Variants in POU2F2 observed in about 807,000 individuals in gnomAD.
The protein encoded by POU2F2 is POU class 2 homeobox 2.
POU2F2 carries 14 observed loss-of-function variants against 63.5 expected under a neutral mutation model. The ratio of observed to expected loss-of-function variants is 0.22; its 90% CI spans 0.15 to 0.34. The LOEUF (loss-of-function observed/expected upper bound fraction) is 0.34, where lower values mean the gene tolerates loss of function less well. Among genes scored for constraint, POU2F2 ranks in the 10% least tolerant of loss-of-function variants. The probability of loss-of-function intolerance (pLI) is 1.00; values close to 1 mark genes in which losing one functional copy is unlikely to be tolerated. For missense variants in POU2F2, 607 were observed against 815.2 expected (o/e 0.74, Z 3.11); for synonymous variants, 306 against 348.6 (o/e 0.88, Z 1.36).
At chr19:42,175,013 A>G (rs1312990971) in intron 1 of POU2F2, among the ~76,000 whole-genome samples, 1 of 151,670 alleles carries the variant, frequency 6.6e-6, no homozygotes, top group Non-Finnish European at 1.5e-5. Context: ...AGCTCTAAGG[A>G]CTCTCTCAGA....
At chr19:42,116,555 C>T (rs1052311491) in intron 5 of POU2F2, among the ~76,000 whole-genome samples, 1 of 152,178 alleles carries the variant, frequency 6.6e-6, no homozygotes, top group Non-Finnish European at 1.5e-5. Flanking sequence ...GGGACAGCAA[C>T]ATCTTCCAAA....
intron 12 of POU2F2, 88 bp downstream of exon 12, chr19:42,093,741 T>G: frequency 7.3e-7 from 1 of 1,363,778 alleles, no homozygotes. Flanking sequence ...TTGAGGCCCA[T>G]GGACACCCAG....
chr19:42,149,893 G>T (rs1000931456), intron 2 of POU2F2, among the ~76,000 whole-genome samples: 1 of 152,162 alleles, frequency 6.6e-6, no homozygotes, highest in South Asian at 2.1e-4. Flanking sequence ...TCCAGCTCCC[G>T]GCCCTCTCTC....
At chr19:42,196,809 T>G (rs899366188), upstream of POU2F2, among the ~76,000 whole-genome samples, 1 of 152,266 alleles carries the variant, frequency 6.6e-6, no homozygotes, top group Non-Finnish European at 1.5e-5. Context: ...TCCCGCCAAG[T>G]GCACTGCGCC....
chr19:42,197,201 C>T (rs1481690145), upstream of POU2F2, among the ~76,000 whole-genome samples: 1 of 152,214 alleles, frequency 6.6e-6, no homozygotes, highest in African/African-American at 2.4e-5. Context: ...TAACTGCTGT[C>T]ACTAAGGTAC....
At chr19:42,115,430 A>T (rs1233101606) in intron 5 of POU2F2, among the ~76,000 whole-genome samples, 1 of 152,170 alleles carries the variant, frequency 6.6e-6, no homozygotes. Flanking sequence ...GAGTGAGAGA[A>T]AAGCCTTTTG....
In POU2F2 at chr19:42,188,652, C is replaced by A. The variant is rs192942491; in HGVS notation, c.-70+7731G>T. 1.9e-3 allele frequency among the ~76,000 whole-genome samples: 223 copies of A among 119,100 alleles called. 3 individuals are homozygous for A. The highest frequency in any genetic ancestry group is 7.1e-3 in the African/African-American group (216 of 30,618). The allele number at this position is 119,100 out of a possible 152,430, so 78.1% of individuals were successfully genotyped here. A position where few individuals can be genotyped will look rare whatever the true frequency, so the allele number is the denominator to read the frequency against. On this transcript the variant is annotated intron_variant, in intron 1 of 5. Coordinates refer to the POU2F2 transcript ENST00000532176. ...CGCCATTGCACTCCAGCCTGGGGGA[C>A]GAGAGAGAGTTCATCTCAAAAAAAA...
At chr19:42,104,186 C>T (rs1383111331) in intron 5 of POU2F2, among the ~76,000 whole-genome samples, 1 of 152,098 alleles carries the variant, frequency 6.6e-6, no homozygotes, top group Non-Finnish European at 1.5e-5. Context: ...ATTTTTACCT[C>T]TCAGATCACC....
In POU2F2 at chr19:42,117,447, G is replaced by C; in HGVS notation, c.187-15C>G. 3.0e-6 allele frequency: 3 copies of C among 999,612 alleles called. No individual in the cohort carries two copies. The Admixed American group carries it at 7.1e-5, about 24-fold the overall frequency. The allele number at this position is 999,612 out of a possible 1,614,324, so 61.9% of individuals were successfully genotyped here. ...AGAATGCCCACCTGTGAACCAAAGA[G>C]AGGGCACGTGTGTGGCAATGGCAAT... On this transcript the variant is annotated splice_polypyrimidine_tract_variant and intron_variant, in intron 4 of 14. Transcript: ENST00000692977. This position sits in a 1 kb window ranked among gnomAD's most constrained non-coding sequence, Gnocchi z 4.4.
At chr19:42,106,307 C>T (rs1245915053) in intron 5 of POU2F2, among the ~76,000 whole-genome samples, 2 of 152,074 alleles carry the variant, frequency 1.3e-5, no homozygotes, top group African/African-American at 4.8e-5. Flanking sequence ...GAAGGGGTTT[C>T]ACCATGTTGG....
At chr19:42,136,080 G>A (rs2034005578), upstream of POU2F2, among the ~76,000 whole-genome samples, 2 of 151,928 alleles carry the variant, frequency 1.3e-5, no homozygotes, top group Admixed American at 6.6e-5. Flanking sequence ...CTAAGTCAAA[G>A]TCAAGTTCTG....
intron 1 of POU2F2, among the ~76,000 whole-genome samples, chr19:42,191,022 G>A (rs905128771): frequency 1.4e-4 from 21 of 149,538 alleles, no homozygotes; most frequent in African/African-American, 4.0e-4. Context: ...AGCTGAGATC[G>A]CGCCATTGCA....
In POU2F2 at chr19:42,162,858, C is replaced by T. The variant is rs1262169025; in HGVS notation, c.-69-2466G>A. ...ACAGAATGCCCACATACAACCCCACCGATAGACAGATGGAAACACTGGCAC... is the reference window on the plus strand; with the variant it reads ...ACAGAATGCCCACATACAACCCCACTGATAGACAGATGGAAACACTGGCAC... On this transcript the variant is annotated intron_variant, in intron 1 of 6. Coordinates refer to the POU2F2 transcript ENST00000524801. This position sits in a 1 kb window ranked among gnomAD's most constrained non-coding sequence, Gnocchi z 4.1. Among the ~76,000 whole-genome samples, 1 of 152,156 alleles carries T rather than the reference C, an allele frequency of 6.6e-6. No homozygotes were observed. The highest frequency in any genetic ancestry group is 1.5e-5 in the Non-Finnish European group (1 of 68,012).
intron 1 of POU2F2, among the ~76,000 whole-genome samples, chr19:42,191,699 G>C (rs2035076696): frequency 6.6e-6 from 1 of 152,216 alleles, no homozygotes; most frequent in Non-Finnish European, 1.5e-5. Flanking sequence ...GATCAAGGGA[G>C]TAGAGCTCTC....
chr19:42,093,494 T>C, intron 12 of POU2F2: 1 of 253,082 alleles, frequency 4.0e-6, no homozygotes, highest in Non-Finnish European at 7.5e-6. Flanking sequence ...ACATTCATAA[T>C]AATTTAATAA....
rs537870836 is a variant in POU2F2 at position 42,191,949 on chromosome 19, T to TAC, written c.-70+4432_-70+4433dup. Among the ~76,000 whole-genome samples the TAC allele has an allele frequency of 7.9e-5, 12 of 152,344 alleles. No individual in the cohort carries two copies. The East Asian group carries it at 2.3e-3, about 29-fold the overall frequency. On this transcript the variant is annotated intron_variant, in intron 1 of 5. Coordinates refer to the POU2F2 transcript ENST00000532176. Reference sequence around the variant, plus strand: ...TATATCCTCATCTGTAAAATGAGGATACTAACACCAGCCTTCCAGGTTTGT... The same window carrying TAC: ...TATATCCTCATCTGTAAAATGAGGATACACTAACACCAGCCTTCCAGGTTTGT...
chr19:42,133,027 A>C (rs1568406036), upstream of POU2F2: 1 of 152,330 alleles, frequency 6.6e-6, no homozygotes, highest in Non-Finnish European at 1.5e-5. This position sits in a 1 kb window ranked among gnomAD's most constrained non-coding sequence, Gnocchi z 5.1. Flanking sequence ...GCCTATCTGC[A>C]GGTGAGCTGT....
At chr19:42,140,644 C>A (rs2034109136) in intron 2 of POU2F2, among the ~76,000 whole-genome samples, 1 of 152,214 alleles carries the variant, frequency 6.6e-6, no homozygotes, top group African/African-American at 2.4e-5. Context: ...CACTCCATTC[C>A]CAGTTTTATT....
intron 2 of POU2F2, among the ~76,000 whole-genome samples, chr19:42,150,125 T>G (rs556641987): frequency 2.0e-4 from 30 of 152,110 alleles, no homozygotes; most frequent in African/African-American, 7.0e-4. Context: ...CTTTGGCCAA[T>G]GCCTCCCTCA....
Sources: gnomAD v4.1 joint callset for allele counts (sites outside exome capture counted in the v4.1 genomes callset) on GRCh38, gnomAD v4.1.1 for gene constraint, Gnocchi (gnomAD v3.1) non-coding constraint, MANE v1.5 for transcripts, NCBI Gene and HGNC (gene_info 2026-07-23, HGNC 2026-07-21) for gene names.